The following RPS6KA2 variants were observed in gnomAD, a reference collection of about 807,000 sequenced individuals.
RPS6KA2 encodes the protein ribosomal protein S6 kinase alpha-2.
Under a neutral mutation model 91.8 loss-of-function variants are expected in RPS6KA2, and 42 were observed. The ratio of observed to expected loss-of-function variants is 0.46; its 90% CI spans 0.36 to 0.59. RPS6KA2 has a LOEUF of 0.59. RPS6KA2 is among the 20% of genes least tolerant of loss of function. RPS6KA2 has a pLI of 0.00. For missense variants in RPS6KA2, 798 were observed against 978.5 expected (o/e 0.82, Z 2.46); for synonymous variants, 414 against 393.6 (o/e 1.05, Z -0.61).
intron 10 of RPS6KA2, among the ~76,000 whole-genome samples, chr6:166,472,867 A>C (rs1309283601): frequency 6.6e-6 from 1 of 152,190 alleles, no homozygotes; most frequent in Non-Finnish European, 1.5e-5. Flanking sequence ...CACTGACAAG[A>C]ACAGGGACAG....
At chr6:166,794,265 C>G (rs1779167601) in intron 2 of RPS6KA2, among the ~76,000 whole-genome samples, 1 of 149,840 alleles carries the variant, frequency 6.7e-6, no homozygotes, top group Non-Finnish European at 1.5e-5. Flanking sequence ...TGCTCATCAT[C>G]ACTGGCCATC....
At chr6:166,492,167 T>C (rs111458993) in intron 8 of RPS6KA2, among the ~76,000 whole-genome samples, 2 of 152,206 alleles carry the variant, frequency 1.3e-5, no homozygotes, top group African/African-American at 4.8e-5. Context: ...ATAAAAGAAA[T>C]GGAAACTCTT....
At chr6:166,636,189 C>T (rs1034374239) in intron 2 of RPS6KA2, among the ~76,000 whole-genome samples, 4 of 152,124 alleles carry the variant, frequency 2.6e-5, no homozygotes, top group South Asian at 2.1e-4. Flanking sequence ...CCGCCAAGGC[C>T]GTCCCACCTC....
At chr6:166,548,551 C>T (rs1783899996) in intron 1 of RPS6KA2, among the ~76,000 whole-genome samples, 2 of 152,146 alleles carry the variant, frequency 1.3e-5, no homozygotes, top group South Asian at 4.2e-4. Context: ...TCAAATACAC[C>T]CAGCTGCTTT....
intron 2 of RPS6KA2, among the ~76,000 whole-genome samples, chr6:166,680,468 T>C (rs891984439): frequency 6.6e-6 from 1 of 152,194 alleles, no homozygotes; most frequent in Admixed American, 6.5e-5. Context: ...TGTGGAAGGT[T>C]TGTTTTTTTG....
intron 2 of RPS6KA2, among the ~76,000 whole-genome samples, chr6:166,827,021 G>A (rs1366189069): frequency 6.6e-6 from 1 of 152,138 alleles, no homozygotes; most frequent in Admixed American, 6.5e-5. Flanking sequence ...GGGTAGGGAG[G>A]TGGGGGTATG....
Position 166,726,670 on chromosome 6 carries a change from T to C in RPS6KA2, c.123+131530A>G, listed in dbSNP as rs1328618218. Reference sequence around the variant, plus strand: ...CTTAAACAGAGAACTGGATCTCGTGTACTGATGCTGCTGGCAGCATTGGAA... The same window carrying C: ...CTTAAACAGAGAACTGGATCTCGTGCACTGATGCTGCTGGCAGCATTGGAA... On this transcript the variant is annotated intron_variant, in intron 2 of 21. Coordinates refer to the RPS6KA2 transcript ENST00000503859. The surrounding 1 kb of genome is among the most constrained non-coding windows in gnomAD (Gnocchi z 4.4). Among the ~76,000 whole-genome samples the C allele has an allele frequency of 6.6e-6, 1 of 152,238 alleles. No individual in the cohort carries two copies. Among genetic ancestry groups the C allele is most frequent in the Non-Finnish European group, 1.5e-5 (1 of 68,040 alleles).
At chr6:166,574,138 G>A (rs1784772710) in intron 1 of RPS6KA2, among the ~76,000 whole-genome samples, 1 of 152,190 alleles carries the variant, frequency 6.6e-6, no homozygotes, top group African/African-American at 2.4e-5. Context: ...CCAGGTGCAA[G>A]AGGGTTTTTT....
chr6:166,493,344 A>G lies in RPS6KA2; in HGVS notation c.748-2603T>C, dbSNP rs1238851128. On this transcript the variant is annotated intron_variant, in intron 8 of 20. Coordinates refer to ENST00000265678, the MANE Select transcript of RPS6KA2 (RefSeq NM_021135.6). This position sits in a 1 kb window ranked among gnomAD's most constrained non-coding sequence, Gnocchi z 4.7. ...TTCTGTGGAGAAGGGAGATCATTTC[A>G]GTATGATTGTCTGAATGGAGCTGCC... 6.6e-6 allele frequency among the ~76,000 whole-genome samples: 1 copy of G among 152,042 alleles called. No individual in the cohort carries two copies. The highest frequency in any genetic ancestry group is 1.5e-5 in the Non-Finnish European group (1 of 68,002).
intron 10 of RPS6KA2, among the ~76,000 whole-genome samples, chr6:166,471,774 T>C (rs1780777872): frequency 6.6e-6 from 1 of 151,984 alleles, no homozygotes; most frequent in South Asian, 2.1e-4. Context: ...GAGGCACATG[T>C]CTGAAAAGCA....
chr6:166,842,315 T>C (rs1485559323), intron 2 of RPS6KA2, among the ~76,000 whole-genome samples: 1 of 152,146 alleles, frequency 6.6e-6, no homozygotes, highest in African/African-American at 2.4e-5. Flanking sequence ...GTCGCCAGGG[T>C]GGCCCTGATC....
At chr6:166,497,050 C>T (rs1781811224) in intron 8 of RPS6KA2, among the ~76,000 whole-genome samples, 1 of 152,168 alleles carries the variant, frequency 6.6e-6, no homozygotes, top group African/African-American at 2.4e-5. Context: ...GAAATCACCT[C>T]CAAGACGGCA....
intron 12 of RPS6KA2, among the ~76,000 whole-genome samples, chr6:166,456,282 G>C (rs1780103156): frequency 6.6e-6 from 1 of 152,218 alleles, no homozygotes; most frequent in Non-Finnish European, 1.5e-5. Flanking sequence ...GGTGTGGCTA[G>C]CTAGTAAGGA....
intron 2 of RPS6KA2, among the ~76,000 whole-genome samples, chr6:166,668,346 G>A (rs978392995): frequency 3.9e-5 from 6 of 152,138 alleles, no homozygotes; most frequent in East Asian, 3.8e-4. Context: ...TTGAGAGCCC[G>A]TCGCTTTCAG....
In RPS6KA2 at chr6:166,795,418, T is replaced by A. The variant is rs16899459; in HGVS notation, c.123+62782A>T. Among the ~76,000 whole-genome samples the A allele has an allele frequency of 0.032, 4,911 of 152,318 alleles. 499 individuals are homozygous for A. The East Asian group carries it at 0.38, about 12-fold the overall frequency. On this transcript the variant is annotated intron_variant, in intron 2 of 21. Transcript: ENST00000503859. ...AAAACTGACAAGACACTGAAACTGG[T>A]CCCAGTGGTCAGGTGAACATTGACC...
At chr6:166,775,448 T>G (rs1258294280) in intron 2 of RPS6KA2, among the ~76,000 whole-genome samples, 1 of 152,222 alleles carries the variant, frequency 6.6e-6, no homozygotes, top group East Asian at 1.9e-4. Context: ...TTGTTACATT[T>G]TGTTATAACA....
chr6:166,521,443 T>C (rs1323385460), intron 3 of RPS6KA2, among the ~76,000 whole-genome samples: 3 of 152,252 alleles, frequency 2.0e-5, no homozygotes, highest in African/African-American at 7.2e-5. Context: ...TTCTGGAGTC[T>C]TGAGGTTCCA....
rs6901874 is a variant in RPS6KA2, at chr6:166,477,284, G to A, written c.908-7379C>T. On this transcript the variant is annotated intron_variant, in intron 10 of 20. Coordinates refer to ENST00000265678, the MANE Select transcript of RPS6KA2 (RefSeq NM_021135.6). ...CTCACTTAGACACGGTTTGAAGGGC[G>A]ATCTTGGCCCGAGGTGAGCCATTCT... Among the ~76,000 whole-genome samples the A allele has an allele frequency of 7.5e-3, 1,149 of 152,198 alleles. 13 individuals are homozygous for A. Among genetic ancestry groups the A allele is most frequent in the African/African-American group, 0.026 (1,090 of 41,506 alleles).
Position 166,448,335 on chromosome 6 carries a change from G to T in RPS6KA2, c.1332+389C>A, listed in dbSNP as rs1482522510. 2.0e-5 allele frequency among the ~76,000 whole-genome samples: 3 copies of T among 151,912 alleles called. No individual in the cohort carries two copies. The highest frequency in any genetic ancestry group is 7.3e-5 in the African/African-American group (3 of 41,342). ...TGGGGGCCCAAAACTTTTGCTCTTG[G>T]TGTATGTCATACACCAAGCTACGAA... is the stretch of plus-strand genomic sequence containing the variant. On this transcript the variant is annotated intron_variant, in intron 14 of 20. Coordinates refer to ENST00000265678, the MANE Select transcript of RPS6KA2 (RefSeq NM_021135.6). The surrounding 1 kb of genome is among the most constrained non-coding windows in gnomAD (Gnocchi z 4.7).
Sources: gnomAD v4.1 joint callset for allele counts (sites outside exome capture counted in the v4.1 genomes callset) on GRCh38, gnomAD v4.1.1 for gene constraint, Gnocchi (gnomAD v3.1) non-coding constraint, MANE v1.5 for transcripts, NCBI Gene and HGNC (gene_info 2026-07-23, HGNC 2026-07-21) for gene names.